The following ZNF385D variants were observed in gnomAD, a reference collection of about 807,000 sequenced individuals.
ZNF385D encodes the protein zinc finger protein 659.
ZNF385D carries 15 observed loss-of-function variants against 35.8 expected under a neutral mutation model. That is an observed-to-expected ratio of 0.42 (90% CI 0.28 to 0.64). The LOEUF (loss-of-function observed/expected upper bound fraction) is 0.64. ZNF385D is among the 30% of genes least tolerant of loss of function. The pLI, the probability that ZNF385D is intolerant of heterozygous loss-of-function variation, is 0.23. For synonymous variants in ZNF385D, 212 were observed against 186.8 expected, an observed-to-expected ratio of 1.13 and a Z score of -1.10; for missense variants, 474 against 494.6, an observed-to-expected ratio of 0.96 and a Z score of 0.39.
At chr3:21,757,389 C>G (rs12630540) in intron 3 of ZNF385D, among the ~76,000 whole-genome samples, 74 of 152,058 alleles carry the variant, frequency 4.9e-4, no homozygotes, top group Middle Eastern at 3.4e-3. Flanking sequence ...GTGATCTGAC[C>G]ACCTTGGCCT....
Position 22,317,234 on chromosome 3 carries a change from G to A in ZNF385D, c.106+55216C>T, listed in dbSNP as rs186982779. Among the ~76,000 whole-genome samples the A allele has an allele frequency of 3.0e-3, 347 of 117,536 alleles. 2 individuals are homozygous for A. Among genetic ancestry groups the A allele is most frequent in the African/African-American group, 0.011 (339 of 30,126 alleles). 77.1% of individuals were successfully genotyped at this position (117,536 alleles called of 152,430 possible). ...AGAGGTTGCAGTGAGCCAAGATCGC[G>A]CTATTGCACACTCCAGCCTGGGAAA... On this transcript the variant is annotated intron_variant, in intron 2 of 5. Transcript: ENST00000494108.
chr3:21,536,930 AGT>A (rs2062048354), intron 3 of ZNF385D, among the ~76,000 whole-genome samples: 3 of 151,962 alleles, frequency 2.0e-5, no homozygotes. Context: ...GAGAGGAAAG[AGT>A]GAGCCTGGTG....
At chr3:22,008,016 TATATTTGGATCTCTG>T (rs1305828122) in intron 3 of ZNF385D, among the ~76,000 whole-genome samples, 1 of 152,032 alleles carries the variant, frequency 6.6e-6, no homozygotes, top group East Asian at 1.9e-4. Flanking sequence ...TTTCTTTCTT[TATATTTGGATCTCTG>T]ATGCATGTGA....
chr3:21,560,170 A>G (rs1447918564), intron 3 of ZNF385D, among the ~76,000 whole-genome samples: 2 of 152,130 alleles, frequency 1.3e-5, no homozygotes, highest in African/African-American at 2.4e-5. Flanking sequence ...CAATTCGTCA[A>G]ACTCATTCTG....
intron 3 of ZNF385D, among the ~76,000 whole-genome samples, chr3:21,959,245 C>T (rs1576011146): frequency 6.6e-6 from 1 of 152,058 alleles, no homozygotes; most frequent in South Asian, 2.1e-4. Flanking sequence ...AAGTGTAGTG[C>T]CTACAACAGA....
rs1187319855 is a variant in ZNF385D, at chr3:21,815,883, G to A, written c.326-150855C>T. Among the ~76,000 whole-genome samples the A allele has an allele frequency of 5.3e-5, 8 of 152,100 alleles. No individual in the cohort carries two copies. In the East Asian group the frequency reaches 1.2e-3, roughly 22 times the overall value. The stretch of plus-strand genomic sequence containing the variant: ...CCTGGCAGAGACACAACAAAAAAAA[G>A]AGAATTTTAGACCAATATCCCTGAT... On this transcript the variant is annotated intron_variant, in intron 3 of 5. Coordinates refer to the ZNF385D transcript ENST00000494108.
intron 3 of ZNF385D, among the ~76,000 whole-genome samples, chr3:22,165,997 T>C (rs191451018): frequency 1.6e-3 from 249 of 152,320 alleles, no homozygotes; most frequent in African/African-American, 5.7e-3. Flanking sequence ...TCAGATAATG[T>C]GATTGACACT....
chr3:21,806,305 C>T (rs1347196719), intron 3 of ZNF385D, among the ~76,000 whole-genome samples: 5 of 151,320 alleles, frequency 3.3e-5, no homozygotes, highest in Non-Finnish European at 5.9e-5. Context: ...CATGGGTTCA[C>T]GCCATTCTAC....
At chr3:22,333,746 C>T (rs1695040734) in intron 2 of ZNF385D, among the ~76,000 whole-genome samples, 1 of 152,078 alleles carries the variant, frequency 6.6e-6, no homozygotes, top group African/African-American at 2.4e-5. Context: ...ACTATTTTTG[C>T]ACTCCTCCAC....
At chr3:21,905,112 T>A (rs1271389885) in intron 3 of ZNF385D, among the ~76,000 whole-genome samples, 2 of 148,228 alleles carry the variant, frequency 1.3e-5, no homozygotes, top group Non-Finnish European at 3.0e-5. Context: ...TTAGAGATTA[T>A]GACATTATAG....
At chr3:21,934,038 A>C in intron 3 of ZNF385D, among the ~76,000 whole-genome samples, 1 of 152,186 alleles carries the variant, frequency 6.6e-6, no homozygotes, top group South Asian at 2.1e-4. Context: ...GCTAAAAAAA[A>C]AGTGCTGAAA....
chr3:21,809,593 TATATATACACATATATATAC>T (rs2072812402), intron 3 of ZNF385D, among the ~76,000 whole-genome samples: 1 of 151,032 alleles, frequency 6.6e-6, no homozygotes, highest in African/African-American at 2.4e-5. Flanking sequence ...TACAATGATA[TATATATACACATATATATAC>T]ATATATACAT....
chr3:21,890,575 C>T lies in ZNF385D; in HGVS notation c.326-225547G>A, dbSNP rs182543331. The stretch of plus-strand genomic sequence containing the variant: ...CGGAGGTTGCAGTGAGCCAAGATCG[C>T]GCCACTGCACTCCAGCCTGGGTGAC... On this transcript the variant is annotated intron_variant, in intron 3 of 5. Coordinates refer to the ZNF385D transcript ENST00000494108. Among the ~76,000 whole-genome samples, 1,200 of 152,086 alleles carry T rather than the reference C, an allele frequency of 7.9e-3. 14 individuals carry two copies. The highest frequency in any genetic ancestry group is 0.027 in the African/African-American group (1,113 of 41,498).
intron 3 of ZNF385D, among the ~76,000 whole-genome samples, chr3:22,100,133 A>G (rs894830030): frequency 3.4e-5 from 5 of 145,494 alleles, no homozygotes; most frequent in African/African-American, 1.1e-4. Context: ...CCACAATGAG[A>G]TATCATCTCA....
chr3:21,684,562 C>T (rs1056027466), intron 1 of ZNF385D, among the ~76,000 whole-genome samples: 2 of 151,830 alleles, frequency 1.3e-5, no homozygotes, highest in Middle Eastern at 3.4e-3. Flanking sequence ...TCAAAAAATA[C>T]CCTCAATAGT....
chr3:22,046,926 CATTAG>C (rs1403731447), intron 3 of ZNF385D, among the ~76,000 whole-genome samples: 4 of 152,000 alleles, frequency 2.6e-5, no homozygotes, highest in Admixed American at 6.6e-5. Flanking sequence ...ATATAAGATT[CATTAG>C]ATAAGTGGGA....
rs1195726740 is a variant in ZNF385D, at chr3:22,275,798, G to C, written c.106+96652C>G. On this transcript the variant is annotated intron_variant, in intron 2 of 5. Transcript: ENST00000494108. ...ATGCATGTTCTTTAAAGGTTCATGA[G>C]AACTGGTGGAGCACAGTGGCTCACG... is the stretch of plus-strand genomic sequence containing the variant. 2.0e-5 allele frequency among the ~76,000 whole-genome samples: 3 copies of C among 152,212 alleles called. No homozygotes were observed. The East Asian group carries it at 5.8e-4, about 29-fold the overall frequency.
At chr3:21,872,354 C>G (rs1401405288) in intron 3 of ZNF385D, among the ~76,000 whole-genome samples, 1 of 152,142 alleles carries the variant, frequency 6.6e-6, no homozygotes, top group Non-Finnish European at 1.5e-5. Flanking sequence ...CAAGAACCAT[C>G]TTTTCTATTA....
At chr3:22,047,919 G>A (rs1311364488) in intron 3 of ZNF385D, among the ~76,000 whole-genome samples, 1 of 151,882 alleles carries the variant, frequency 6.6e-6, no homozygotes, top group Non-Finnish European at 1.5e-5. Flanking sequence ...ACCTACATTG[G>A]TTTTTTTGCT....
Sources: gnomAD v4.1 joint callset for allele counts (sites outside exome capture counted in the v4.1 genomes callset) on GRCh38, gnomAD v4.1.1 for gene constraint, MANE v1.5 for transcripts, NCBI Gene and HGNC (gene_info 2026-07-23, HGNC 2026-07-21) for gene names.